The following HDX variants were observed in gnomAD, a reference collection of about 807,000 sequenced individuals.
HDX encodes chromosome X open reading frame 43.
A neutral mutation model predicts 45.2 loss-of-function variants in HDX; 19 were observed. The ratio of observed to expected loss-of-function variants is 0.42; its 90% CI spans 0.29 to 0.62. The LOEUF (loss-of-function observed/expected upper bound fraction) is 0.62. Ranked by LOEUF, HDX falls within the 20% of genes least tolerant of loss-of-function variation. HDX has a pLI of 0.20. For missense variants in HDX, 532 were observed against 493.9 expected, an observed-to-expected ratio of 1.08 and a Z score of -0.73; for synonymous variants, 188 against 172.8, an observed-to-expected ratio of 1.09 and a Z score of -0.69.
intron 2 of HDX, among the ~76,000 whole-genome samples, chrX:84,476,208 C>G (rs1350039687): frequency 1.8e-5 from 2 of 111,086 alleles, no homozygotes; most frequent in African/African-American, 6.5e-5. Flanking sequence ...TCAGGTCAAA[C>G]TCTTCTTTAA....
intron 6 of HDX, among the ~76,000 whole-genome samples, chrX:84,346,612 G>T (rs1236993343): frequency 9.0e-6 from 1 of 111,001 alleles, no homozygotes; most frequent in African/African-American, 3.3e-5. Flanking sequence ...TTTGACAAAG[G>T]TGCAAAAAGA....
intron 7 of HDX, among the ~76,000 whole-genome samples, chrX:84,341,737 T>C (rs2037090827): frequency 9.2e-6 from 1 of 108,518 alleles, no homozygotes; most frequent in African/African-American, 3.4e-5. Context: ...TTCTTAATTT[T>C]AGAGACAGAA....
chrX:84,486,507 AG>A (rs200830939), intron 2 of HDX, among the ~76,000 whole-genome samples: 1,160 of 111,800 alleles, frequency 0.01, 22 homozygotes, highest in African/African-American at 0.037. Context: ...TTCAGCCTGA[AG>A]AATTTACTTT....
At chrX:84,444,729 C>T (rs1281637812) in intron 4 of HDX, among the ~76,000 whole-genome samples, 1 of 111,406 alleles carries the variant, frequency 9.0e-6, no homozygotes, top group East Asian at 2.8e-4. Flanking sequence ...ATACTGGAGT[C>T]ACATCAAATG....
intron 9 of HDX, among the ~76,000 whole-genome samples, chrX:84,332,124 T>C (rs1363718005): frequency 1.8e-5 from 2 of 111,504 alleles, no homozygotes; most frequent in Non-Finnish European, 3.8e-5. Context: ...CTGAAATCAG[T>C]AACAAGAACT....
intron 6 of HDX, among the ~76,000 whole-genome samples, chrX:84,349,399 ATATATG>A (rs1160836677): frequency 1.0e-4 from 9 of 89,631 alleles, no homozygotes; most frequent in African/African-American, 3.3e-4. Flanking sequence ...AATTATATAT[ATATATG>A]TGTGTGTGTG....
At chrX:84,369,718 T>C (rs1020869411) in intron 5 of HDX, among the ~76,000 whole-genome samples, 14 of 112,544 alleles carry the variant, frequency 1.2e-4, no homozygotes, top group African/African-American at 3.9e-4. Context: ...CATCTTTCTA[T>C]ACGCTTGTTG....
chrX:84,367,631 G>T (rs2037790393), intron 5 of HDX, among the ~76,000 whole-genome samples: 1 of 112,324 alleles, frequency 8.9e-6, no homozygotes, highest in Non-Finnish European at 1.9e-5. Context: ...ACTGGATTAA[G>T]AAAATGTGGC....
At chrX:84,491,894 T>A (rs751593001) in intron 1 of HDX, among the ~76,000 whole-genome samples, 1 of 111,718 alleles carries the variant, frequency 9.0e-6, no homozygotes, top group Non-Finnish European at 1.9e-5. Context: ...TTTGCCTGTT[T>A]CTTTATTGTG....
intron 9 of HDX, among the ~76,000 whole-genome samples, chrX:84,333,228 C>T (rs1237598578): frequency 9.0e-6 from 1 of 110,983 alleles, no homozygotes; most frequent in African/African-American, 3.3e-5. Flanking sequence ...ATATGTATAG[C>T]ACCCTGTCAA....
chrX:84,396,571 G>T (rs745364412), intron 5 of HDX, among the ~76,000 whole-genome samples: 2 of 112,302 alleles, frequency 1.8e-5, no homozygotes, highest in East Asian at 5.6e-4. Context: ...GGGTGGGAAA[G>T]TTCTCAGGCT....
intron 5 of HDX, among the ~76,000 whole-genome samples, chrX:84,377,979 A>G (rs1222259336): frequency 1.8e-5 from 2 of 111,675 alleles, no homozygotes; most frequent in Non-Finnish European, 3.8e-5. Context: ...CCAAACATAG[A>G]TGATAAAGAA....
chrX:84,472,284 T>A (rs1401920581), intron 3 of HDX, among the ~76,000 whole-genome samples: 2 of 111,320 alleles, frequency 1.8e-5, no homozygotes, highest in Non-Finnish European at 3.8e-5. Context: ...GATAGATATT[T>A]ATATAGTGTA....
At chrX:84,450,959 A>G (rs1452918300) in intron 4 of HDX, among the ~76,000 whole-genome samples, 1 of 112,177 alleles carries the variant, frequency 8.9e-6, no homozygotes, top group Non-Finnish European at 1.9e-5. Flanking sequence ...GGAAGAAATT[A>G]AAGAGAAAAT....
chrX:84,348,058 A>G (rs1365104328), intron 6 of HDX, among the ~76,000 whole-genome samples: 2 of 109,958 alleles, frequency 1.8e-5, no homozygotes, highest in East Asian at 5.8e-4. Context: ...CTTCTGTTCT[A>G]TTTTCCCTTT....
intron 10 of HDX, among the ~76,000 whole-genome samples, chrX:84,324,823 T>G (rs1055918090): frequency 9.0e-6 from 1 of 110,785 alleles, no homozygotes; most frequent in Non-Finnish European, 1.9e-5. Context: ...AGCCACACTT[T>G]AAGTTATTCC....
intron 5 of HDX, among the ~76,000 whole-genome samples, chrX:84,413,365 A>T (rs936131632): frequency 2.7e-5 from 3 of 111,495 alleles, no homozygotes; most frequent in African/African-American, 9.8e-5. Flanking sequence ...TGTTTATGGT[A>T]TAAGGTGGGC....
At position 84,468,776 on chromosome X, in the gene HDX, A is replaced by G; in HGVS notation, c.947T>C (p.Met316Thr). 8.3e-7 allele frequency: 1 copy of G among 1,210,943 alleles called. No individual in the cohort carries two copies. Among genetic ancestry groups the G allele is most frequent in the Non-Finnish European group, 1.1e-6 (1 of 894,959 alleles). Reference sequence around the variant, plus strand: ...CGAATAGCTTGGTATCTGTGCTCTCATCGATGCCAGCTCTTCCTCTCTGGC... The same window carrying G: ...CGAATAGCTTGGTATCTGTGCTCTCGTCGATGCCAGCTCTTCCTCTCTGGC... ...EYAREEELAS[M>T]RAQIPSYSRF... The change falls in exon 4 of 11, where the codon ATG becomes ACG. Residue 316 changes from methionine to threonine, a missense_variant. Met to Thr is a moderately conservative substitution (Grantham distance 81). This residue lies in a region of HDX where 376 missense variants were observed against 343.7 expected (regional missense o/e 1.09). Coordinates refer to ENST00000373177, the MANE Select transcript of HDX (RefSeq NM_001177479.2).
Position 84,454,851 on chromosome X carries a change from G to C in HDX, c.1251+13621C>G, listed in dbSNP as rs145451902. Among the ~76,000 whole-genome samples the C allele has an allele frequency of 7.5e-4, 83 of 110,960 alleles. 2 individuals carry two copies. The highest frequency in any genetic ancestry group is 2.6e-3 in the African/African-American group (78 of 30,513). ...GGATGCTTGTGTCATCCCTTCCCCAGTTCCAGGCGGCTCAGCACACAGAGA... is the reference window on the plus strand; with the variant it reads ...GGATGCTTGTGTCATCCCTTCCCCACTTCCAGGCGGCTCAGCACACAGAGA... On this transcript the variant is annotated intron_variant, in intron 4 of 10. Transcript: ENST00000373177.
Sources: gnomAD v4.1 joint callset for allele counts (sites outside exome capture counted in the v4.1 genomes callset) on GRCh38, gnomAD v4.1.1 for gene constraint, gnomAD v4.1.1 regional missense constraint, MANE v1.5 for transcripts, NCBI Gene and HGNC (gene_info 2026-07-23, HGNC 2026-07-21) for gene names.